The following GRID2 variants were observed in gnomAD, a reference collection of about 807,000 sequenced individuals.
GRID2 encodes glutamate receptor ionotropic, delta-2.
A neutral mutation model predicts 114.8 loss-of-function variants in GRID2; 33 were observed. The ratio of observed to expected loss-of-function variants is 0.29; its 90% confidence interval spans 0.22 to 0.38. The LOEUF is 0.38. Ranked by LOEUF, GRID2 falls within the 10% of genes least tolerant of loss-of-function variation. The pLI is 1.00. For synonymous variants in GRID2, 505 were observed against 449.9 expected, an observed-to-expected ratio of 1.12 and a Z score of -1.55; for missense variants, 1,184 against 1,257.7, an observed-to-expected ratio of 0.94 and a Z score of 0.89.
At chr4:93,502,928 A>G (rs948806921) in intron 12 of GRID2, among the ~76,000 whole-genome samples, 4 of 152,082 alleles carry the variant, frequency 2.6e-5, no homozygotes, top group Non-Finnish European at 4.4e-5. Context: ...GAGGGATGCT[A>G]CAGAGTTCTC....
intron 13 of GRID2, among the ~76,000 whole-genome samples, chr4:93,591,171 A>G (rs1313862361): frequency 6.7e-6 from 1 of 148,622 alleles, no homozygotes; most frequent in African/African-American, 2.5e-5. Context: ...TTGCCCATTC[A>G]GTATGATATT....
intron 8 of GRID2, 141 bp downstream of exon 8, chr4:93,238,631 G>T: frequency 5.2e-6 from 3 of 574,870 alleles, no homozygotes; most frequent in Non-Finnish European, 5.9e-6. Context: ...GGGAAATTAG[G>T]CATTGAAATG....
chr4:93,464,064 T>G (rs1724034652), intron 11 of GRID2, among the ~76,000 whole-genome samples: 1 of 152,164 alleles, frequency 6.6e-6, no homozygotes, highest in South Asian at 2.1e-4. Flanking sequence ...TAGAACTCAG[T>G]GTTTTTACAG....
chr4:93,502,602 T>A (rs1728217721), intron 12 of GRID2, among the ~76,000 whole-genome samples: 1 of 151,982 alleles, frequency 6.6e-6, no homozygotes, highest in South Asian at 2.1e-4. Context: ...CACACTCTAC[T>A]GCTAAGTATC....
At chr4:93,592,684 G>T (rs529185360) in intron 13 of GRID2, among the ~76,000 whole-genome samples, 8 of 152,164 alleles carry the variant, frequency 5.3e-5, no homozygotes, top group Admixed American at 5.2e-4. Context: ...ATTAATGTGT[G>T]GGAGTCTAAG....
chr4:92,844,675 C>A (rs1204422675), intron 2 of GRID2, among the ~76,000 whole-genome samples: 2 of 144,786 alleles, frequency 1.4e-5, no homozygotes, highest in East Asian at 4.1e-4. Context: ...CACTGCACTC[C>A]AGCCTGTGCA....
At chr4:92,383,864 A>G (rs574844958) in intron 1 of GRID2, among the ~76,000 whole-genome samples, 1 of 152,060 alleles carries the variant, frequency 6.6e-6, no homozygotes, top group East Asian at 1.9e-4. Flanking sequence ...CTTTAAGTCT[A>G]TACATTGTTC....
chr4:93,716,618 A>G (rs999904426), intron 14 of GRID2, among the ~76,000 whole-genome samples: 9 of 151,974 alleles, frequency 5.9e-5, no homozygotes, highest in East Asian at 1.9e-4. Context: ...GTAAGTATAA[A>G]TATATTTAAT....
At chr4:92,480,726 C>G (rs540333301) in intron 1 of GRID2, among the ~76,000 whole-genome samples, 1 of 152,234 alleles carries the variant, frequency 6.6e-6, no homozygotes, top group African/African-American at 2.4e-5. Flanking sequence ...TGCAAGTACT[C>G]TTTTTCTAAG....
At chr4:92,989,157 G>T (rs1754691308) in intron 2 of GRID2, among the ~76,000 whole-genome samples, 1 of 151,076 alleles carries the variant, frequency 6.6e-6, no homozygotes, top group African/African-American at 2.4e-5. Context: ...CACGCCTGTA[G>T]TCCCAGCTAC....
chr4:93,176,521 T>C (rs143132001), intron 4 of GRID2, among the ~76,000 whole-genome samples: 1 of 152,184 alleles, frequency 6.6e-6, no homozygotes, highest in Non-Finnish European at 1.5e-5. Context: ...GCATGGCCAA[T>C]TGTCTACAGT....
At chr4:93,030,416 A>T in intron 2 of GRID2, among the ~76,000 whole-genome samples, 1 of 141,896 alleles carries the variant, frequency 7.0e-6, no homozygotes, top group African/African-American at 2.6e-5. Flanking sequence ...ATGGAGTCTC[A>T]CTCTAGTGCT....
chr4:92,538,843 C>G (rs893617159), intron 1 of GRID2, among the ~76,000 whole-genome samples: 1 of 151,984 alleles, frequency 6.6e-6, no homozygotes, highest in African/African-American at 2.4e-5. Context: ...GAGATCAAGA[C>G]CATCCTGGCT....
chr4:93,625,876 C>T (rs932281633), intron 13 of GRID2, among the ~76,000 whole-genome samples: 7 of 152,136 alleles, frequency 4.6e-5, no homozygotes, highest in African/African-American at 1.7e-4. Context: ...GATCGCGCCA[C>T]TGCACTCCAG....
intron 2 of GRID2, among the ~76,000 whole-genome samples, chr4:92,749,055 G>A (rs1166993034): frequency 1.3e-5 from 2 of 151,604 alleles, no homozygotes; most frequent in African/African-American, 2.4e-5. Flanking sequence ...GTGCAGTGGC[G>A]CGATCTTGGC....
At chr4:93,429,222 A>G (rs1192050202) in intron 10 of GRID2, among the ~76,000 whole-genome samples, 2 of 152,196 alleles carry the variant, frequency 1.3e-5, no homozygotes, top group Admixed American at 1.3e-4. Flanking sequence ...CCAGATGGCA[A>G]AGGAGCCTGG....
chr4:92,333,344 A>T (rs551885719), intron 1 of GRID2, among the ~76,000 whole-genome samples: 3 of 152,322 alleles, frequency 2.0e-5, no homozygotes, highest in Non-Finnish European at 4.4e-5. Context: ...CAAGCTGGCC[A>T]TGGGCAGTGA....
intron 14 of GRID2, among the ~76,000 whole-genome samples, chr4:93,686,330 C>T (rs962739789): frequency 9.9e-5 from 15 of 151,914 alleles, no homozygotes; most frequent in African/African-American, 3.6e-4. Flanking sequence ...CTCTCTATCC[C>T]CATGGCTCTT....
intron 1 of GRID2, among the ~76,000 whole-genome samples, chr4:92,544,497 T>C (rs1235148914): frequency 6.6e-6 from 1 of 152,160 alleles, no homozygotes; most frequent in Non-Finnish European, 1.5e-5. Flanking sequence ...CATTTTATCA[T>C]AAAAATTGCT....
Sources: allele counts gnomAD v4.1 joint callset (sites outside exome capture counted in the v4.1 genomes callset), GRCh38; gene constraint gnomAD v4.1.1; transcripts MANE v1.5; gene names NCBI Gene and HGNC (gene_info 2026-07-23, HGNC 2026-07-21).